The following CDKL3 variants were observed in gnomAD, a reference collection of about 807,000 sequenced individuals.
CDKL3 encodes cyclin-dependent kinase-like 3.
Under a neutral mutation model 69.3 loss-of-function variants are expected in CDKL3, and 65 were observed. That is an observed-to-expected ratio of 0.94 (90% CI 0.77 to 1.15). CDKL3 has a LOEUF of 1.15. CDKL3 is among the 50% of genes most tolerant of loss of function. CDKL3 has a pLI of 0.00. For missense variants in CDKL3, 652 were observed against 689.2 expected (o/e 0.95, Z 0.61); for synonymous variants, 202 against 221.6 (o/e 0.91, Z 0.79).
At chr5:134,287,426 G>C (rs1435158739) in intron 8 of CDKL3, among the ~76,000 whole-genome samples, 1 of 152,108 alleles carries the variant, frequency 6.6e-6, no homozygotes, top group Non-Finnish European at 1.5e-5. Flanking sequence ...CAAAGGAAAG[G>C]TAATGAGTGC....
intron 4 of CDKL3, among the ~76,000 whole-genome samples, chr5:134,335,172 T>A (rs1240028644): frequency 6.6e-6 from 1 of 151,722 alleles, no homozygotes; most frequent in East Asian, 1.9e-4. Context: ...TTCCATTTGC[T>A]TGGTAGATCT....
intron 2 of CDKL3, among the ~76,000 whole-genome samples, chr5:134,363,121 C>A (rs1260943433): frequency 6.6e-6 from 1 of 152,016 alleles, no homozygotes; most frequent in Non-Finnish European, 1.5e-5. Flanking sequence ...GAAGAAAGAG[C>A]AAGAGATACT....
At chr5:134,308,499 A>G (rs781592313) in intron 8 of CDKL3, 33 bp from the exon 9 acceptor site, 13 of 1,561,680 alleles carry the variant, frequency 8.3e-6, no homozygotes, top group East Asian at 6.7e-5. Context: ...CTGAGTCATC[A>G]TAACAGTTAT....
intron 4 of CDKL3, among the ~76,000 whole-genome samples, chr5:134,332,381 T>C (rs1029441280): frequency 9.2e-5 from 14 of 152,232 alleles, no homozygotes; most frequent in Non-Finnish European, 1.9e-4. Flanking sequence ...GCCTATGTCC[T>C]GAATGGTATT....
Position 134,318,165 on chromosome 5 carries a change from G to A in CDKL3, c.792+1193C>T, listed in dbSNP as rs1324380173. Among the ~76,000 whole-genome samples the A allele has an allele frequency of 2.0e-5, 3 of 151,502 alleles. No homozygotes were observed. In the East Asian group the frequency reaches 5.8e-4, roughly 29 times the overall value. ...ACCCAGGAGGCGGAGGTTGTGGTGAGCTGAGATCGCGCCATTGCACTCCAC... is the reference window on the plus strand; with the variant it reads ...ACCCAGGAGGCGGAGGTTGTGGTGAACTGAGATCGCGCCATTGCACTCCAC... On this transcript the variant is annotated intron_variant, in intron 6 of 12. Coordinates refer to ENST00000265334, the MANE Select transcript of CDKL3 (RefSeq NM_001113575.2).
intron 4 of CDKL3, among the ~76,000 whole-genome samples, chr5:134,328,505 G>GGAAGA (rs1581019419): frequency 6.6e-6 from 1 of 151,782 alleles, no homozygotes; most frequent in African/African-American, 2.4e-5. Context: ...AGGATAGAAG[G>GGAAGA]TAAAAGGAAT....
In CDKL3 at chr5:134,304,432, G is replaced by A; in HGVS notation, c.1594C>T (p.Gln532Ter). 1.2e-6 allele frequency: 2 copies of A among 1,612,276 alleles called. No individual in the cohort carries two copies. The highest frequency in any genetic ancestry group is 1.1e-5 in the South Asian group (1 of 90,814). The change falls in exon 11 of 13, where the codon CAG becomes TAG. Residue 532 changes from glutamine (Q) to a stop codon, truncating the protein, a stop_gained. Transcript: ENST00000265334. LOFTEE classifies it high-confidence loss of function. ...FHFPELPVTIQSKDTKGMEVK... is the reference protein window; with the variant it reads ...FHFPELPVTI ...TCCATTCCTTTTGTATCTTTTGACT[G>A]TATTGTGACAGGCAATTCTGGAAAA... is the stretch of plus-strand genomic sequence containing the variant.
intron 4 of CDKL3, among the ~76,000 whole-genome samples, chr5:134,323,492 T>C (rs1580976658): frequency 6.6e-6 from 1 of 152,140 alleles, no homozygotes; most frequent in East Asian, 1.9e-4. Flanking sequence ...ACAAGCAAGA[T>C]AGTATGGTAT....
chr5:134,304,832 A>ATATTATTAT (rs143426655), intron 10 of CDKL3, among the ~76,000 whole-genome samples: 1 of 146,388 alleles, frequency 6.8e-6, no homozygotes, highest in African/African-American at 2.5e-5. Flanking sequence ...AATAATAATA[A>ATATTATTAT]TATTATTATT....
At chr5:134,368,424 C>A (rs1403715262), upstream of CDKL3, among the ~76,000 whole-genome samples, 1 of 152,110 alleles carries the variant, frequency 6.6e-6, no homozygotes, top group East Asian at 1.9e-4. Context: ...CGAGACCATC[C>A]TGGCTAACAC....
At chr5:134,323,807 A>C (rs1010228702) in intron 4 of CDKL3, among the ~76,000 whole-genome samples, 66 of 152,312 alleles carry the variant, frequency 4.3e-4, no homozygotes, top group African/African-American at 1.6e-3. Flanking sequence ...TTTGGTAATG[A>C]GTTTTTAGAT....
At chr5:134,330,753 C>T (rs919734081) in intron 4 of CDKL3, among the ~76,000 whole-genome samples, 4 of 152,204 alleles carry the variant, frequency 2.6e-5, no homozygotes, top group Admixed American at 6.5e-5. Flanking sequence ...CTAACTTTCT[C>T]GAAACATTCT....
intron 3 of CDKL3, among the ~76,000 whole-genome samples, chr5:134,353,900 G>A (rs567603784): frequency 6.6e-6 from 1 of 152,232 alleles, no homozygotes; most frequent in East Asian, 1.9e-4. Context: ...TCATCCTGCA[G>A]GATAAATTTT....
At chr5:134,289,422 G>A (rs1244924893) in intron 8 of CDKL3, among the ~76,000 whole-genome samples, 1 of 152,074 alleles carries the variant, frequency 6.6e-6, no homozygotes, top group African/African-American at 2.4e-5. Context: ...TAATAATACT[G>A]TTCAATGTAA....
intron 10 of CDKL3, among the ~76,000 whole-genome samples, chr5:134,304,826 ATAATAATAT>A (rs1458364114): frequency 6.1e-5 from 9 of 147,336 alleles, no homozygotes; most frequent in Non-Finnish European, 1.2e-4. Context: ...AATAATAATA[ATAATAATAT>A]TATTATTATT....
chr5:134,303,668 ACC>A (rs112941862), intron 11 of CDKL3, among the ~76,000 whole-genome samples: 22,844 of 139,238 alleles, frequency 0.16, 2,288 homozygotes, highest in African/African-American at 0.29. Context: ...AAATGGTGGA[ACC>A]CCCCCCCCGT....
At chr5:134,357,709 G>A (rs1754974121) in intron 3 of CDKL3, among the ~76,000 whole-genome samples, 1 of 152,020 alleles carries the variant, frequency 6.6e-6, no homozygotes, top group Non-Finnish European at 1.5e-5. Context: ...CCCAAGTCCT[G>A]TGATTTTCCT....
intron 12 of CDKL3, among the ~76,000 whole-genome samples, chr5:134,299,904 A>G (rs1399684039): frequency 6.6e-6 from 1 of 152,202 alleles, no homozygotes; most frequent in Non-Finnish European, 1.5e-5. Context: ...TATCATTATC[A>G]TCCAACAAAA....
intron 2 of CDKL3, among the ~76,000 whole-genome samples, chr5:134,364,428 T>C (rs1756862624): frequency 6.6e-6 from 1 of 152,248 alleles, no homozygotes; most frequent in African/African-American, 2.4e-5. Context: ...TTTGAGTCTT[T>C]CGTATTTCTA....
Sources: allele counts gnomAD v4.1 joint callset (sites outside exome capture counted in the v4.1 genomes callset), GRCh38; gene constraint gnomAD v4.1.1; transcripts MANE v1.5; gene names NCBI Gene and HGNC (gene_info 2026-07-23, HGNC 2026-07-21).